Variants in BRCA1 observed in about 807,000 individuals in gnomAD.
BRCA1 encodes BRCA1 DNA repair associated, also known as breast cancer type 1 susceptibility protein.
In BRCA1, 140 loss-of-function variants were observed where a neutral mutation model predicts 173.7. The ratio of observed to expected loss-of-function variants is 0.81; its 90% CI spans 0.70 to 0.93. BRCA1 has a LOEUF of 0.93. Ranked by LOEUF, BRCA1 falls within the 40% of genes least tolerant of loss-of-function variation. The pLI, the probability that BRCA1 is intolerant of heterozygous loss-of-function variation, is 0.00. For synonymous variants in BRCA1, 662 were observed against 756.0 expected (o/e 0.88, Z 2.04); for missense variants, 1,983 against 2,172.5 (o/e 0.91, Z 1.73).
chr17:43,139,754 A>G (rs1203022335), intron 1 of BRCA1: 2 of 417,856 alleles, frequency 4.8e-6, no homozygotes, highest in African/African-American at 2.1e-5. Context: ...ATGAGTTCTC[A>G]TCATTTAGCT....
intron 10 of BRCA1, 181 bp from the exon 11 acceptor site, chr17:43,091,213 CA>C: frequency 1.2e-6 from 1 of 854,598 alleles, no homozygotes; most frequent in Non-Finnish European, 1.9e-6. Context: ...GTAAGTCCAC[CA>C]GTAATTAGGA....
rs8176103 is a variant in BRCA1 at position 43,115,033 on chromosome 17, G to A, written c.134+693C>T. 0.32 allele frequency among the ~76,000 whole-genome samples: 48,319 copies of A among 151,904 alleles called. 8,021 individuals are homozygous for A. The highest frequency in any genetic ancestry group is 0.51 in the South Asian group (2,433 of 4,806). On this transcript the variant is annotated intron_variant, in intron 3 of 22. Coordinates refer to ENST00000357654, the MANE Select transcript of BRCA1 (RefSeq NM_007294.4). ...CCTGTCTTCACAATGATTACAAAGCGGGCAAACACTGACCCTTAGAAGGGG... is the reference window on the plus strand; with the variant it reads ...CCTGTCTTCACAATGATTACAAAGCAGGCAAACACTGACCCTTAGAAGGGG...
intron 5 of BRCA1, 137 bp from the exon 6 acceptor site, chr17:43,104,398 T>A: frequency 9.8e-7 from 1 of 1,021,446 alleles, no homozygotes; most frequent in Non-Finnish European, 1.4e-6. Flanking sequence ...GTGATTTTTT[T>A]TAAAAATCAA....
At chr17:43,166,238 CTCTG>C (rs1288391985) in intron 1 of BRCA1, 2 of 151,806 alleles carry the variant, frequency 1.3e-5, no homozygotes, top group Admixed American at 6.6e-5. Flanking sequence ...CTCTTTTCCT[CTCTG>C]TCTCTTTCCT....
chr17:43,056,966 A>G (rs2153339852), intron 19 of BRCA1, 86 bp downstream of exon 19: 2 of 1,272,540 alleles, frequency 1.6e-6, no homozygotes, highest in South Asian at 1.2e-5. Context: ...AAGTCTTACA[A>G]AATGAAGCGG....
At chr17:43,155,470 G>A (rs1474944011) in intron 1 of BRCA1, among the ~76,000 whole-genome samples, 1 of 152,158 alleles carries the variant, frequency 6.6e-6, no homozygotes, top group Non-Finnish European at 1.5e-5. Flanking sequence ...GCCTCAAGCA[G>A]TCTTCCTGCT....
Position 43,093,313 on chromosome 17 carries a change from C to G in BRCA1, c.2218G>C (p.Val740Leu), listed in dbSNP as rs80357415. The change falls in exon 10 of 23, where the codon GTG (valine) becomes CTG (leucine). Residue 740 changes from valine (V) to leucine (L), a missense_variant. Coordinates refer to ENST00000357654, the MANE Select transcript of BRCA1 (RefSeq NM_007294.4). ...TTGGGGTCTTCAGCATTATTAGACACTTTAACTGTTTCTAGTTTCTCTTCT... is the reference window on the plus strand; with the variant it reads ...TTGGGGTCTTCAGCATTATTAGACAGTTTAACTGTTTCTAGTTTCTCTTCT... ...EKEEKLETVKVSNNAEDPKDL... is the reference protein window; with the variant it reads ...EKEEKLETVKLSNNAEDPKDL... The G allele has an allele frequency of 1.2e-6, 2 of 1,613,802 alleles. No homozygotes were observed. Among genetic ancestry groups the G allele is most frequent in the Non-Finnish European group, 1.7e-6 (2 of 1,179,936 alleles).
intron 1 of BRCA1, among the ~76,000 whole-genome samples, chr17:43,157,737 C>T (rs1444434828): frequency 6.6e-6 from 1 of 151,794 alleles, no homozygotes; most frequent in African/African-American, 2.4e-5. Context: ...TGGCTCACGC[C>T]TGTAATCCCA....
intron 5 of BRCA1, 95 bp from the exon 6 acceptor site, chr17:43,104,356 T>C (rs2054648057): frequency 2.2e-6 from 3 of 1,358,530 alleles, no homozygotes; most frequent in South Asian, 2.5e-5. Flanking sequence ...GTATGCTCTT[T>C]GTTGTGTTAA....
chr17:43,151,666 G>A (rs1283180832), intron 1 of BRCA1, among the ~76,000 whole-genome samples: 1 of 152,194 alleles, frequency 6.6e-6, no homozygotes, highest in Non-Finnish European at 1.5e-5. Flanking sequence ...AAGGTAGAAG[G>A]ATTGCTTGAG....
intron 1 of BRCA1, among the ~76,000 whole-genome samples, chr17:43,155,966 G>A (rs1401815930): frequency 1.3e-5 from 2 of 152,102 alleles, no homozygotes; most frequent in Non-Finnish European, 2.9e-5. Context: ...GGCCAGGTGC[G>A]GTGGCTCACA....
Position 43,086,485 on chromosome 17 carries a change from A to G in BRCA1, c.4186-3910T>C, listed in dbSNP as rs151196052. Among the ~76,000 whole-genome samples the G allele has an allele frequency of 6.1e-4, 93 of 152,302 alleles. 1 individual carries two copies. In the East Asian group the frequency reaches 7.3e-3, roughly 12 times the overall value. On this transcript the variant is annotated intron_variant, in intron 11 of 22. Transcript: ENST00000357654. ...AAAGGGAAAAAAAAATCCCACTTCA[A>G]TAGTTTTTCCTGCCTGTGCTACTTT...
chr17:43,049,258 C>T (rs2051103466), intron 20 of BRCA1, 64 bp from the exon 21 acceptor site: 4 of 1,434,632 alleles, frequency 2.8e-6, no homozygotes, highest in Non-Finnish European at 3.9e-6. Context: ...AGGCCCTCTA[C>T]CCTACACTCT....
In BRCA1 at chr17:43,105,117, T is replaced by C. The variant is rs799912; in HGVS notation, c.213-161A>G. The stretch of plus-strand genomic sequence containing the variant: ...ATTGACATCTGTATAAACCGTGTGA[T>C]GGCAGTGATTTAGTAACTTTTTGTC... On this transcript the variant is annotated intron_variant, in intron 4 of 22. Transcript: ENST00000357654. 0.49 allele frequency among the ~76,000 whole-genome samples: 74,859 copies of C among 152,120 alleles called. 21,819 individuals are homozygous for C. Among genetic ancestry groups the C allele is most frequent in the African/African-American group, 0.82 (34,234 of 41,510 alleles).
At position 43,094,157 on chromosome 17, in the gene BRCA1, G is replaced by T. The variant is rs879253999; in HGVS notation, c.1374C>A (p.Asp458Glu). The change falls in exon 10 of 23, where the codon GAC (aspartate) becomes GAA (glutamate). Residue 458 changes from aspartate to glutamate, a missense_variant. By Grantham distance (45) the Asp-to-Glu change is conservative (BLOSUM62 2). Coordinates refer to ENST00000357654, the MANE Select transcript of BRCA1 (RefSeq NM_007294.4). ...TCCGATAGGTTTTCCCAAATATTTT[G>T]TCTTCAATATTACTCTCTACTGATT... is the stretch of plus-strand genomic sequence containing the variant. The part of the protein sequence containing the change: ...HSKSVESNIE[D>E]KIFGKTYRKK... 6.2e-7 allele frequency: 1 copy of T among 1,613,946 alleles called. No homozygotes were observed. The highest frequency in any genetic ancestry group is 8.5e-7 in the Non-Finnish European group (1 of 1,179,978).
intron 2 of BRCA1, among the ~76,000 whole-genome samples, chr17:43,120,388 G>C (rs2055490581): frequency 1.3e-5 from 2 of 152,156 alleles, no homozygotes; most frequent in Non-Finnish European, 2.9e-5. Flanking sequence ...TGCAAATTGT[G>C]CTATACTGTA....
chr17:43,106,553 A>C lies in BRCA1; in HGVS notation c.135-20T>G, dbSNP rs80358025. 6.5e-7 allele frequency: 1 copy of C among 1,531,316 alleles called. No individual in the cohort carries two copies. The highest frequency in any genetic ancestry group is 9.0e-7 in the Non-Finnish European group (1 of 1,108,110). 94.9% of individuals were successfully genotyped at this position (1,531,316 alleles called of 1,614,324 possible). ...CAAAATCTATAAATTATAAAGAAAGAAAGAACAATTTAATTTACTTCCTTT... is the reference window on the plus strand; with the variant it reads ...CAAAATCTATAAATTATAAAGAAAGCAAGAACAATTTAATTTACTTCCTTT... On this transcript the variant is annotated intron_variant, in intron 3 of 22. Transcript: ENST00000357654.
At chr17:43,073,024 T>C (rs1035360028) in intron 14 of BRCA1, among the ~76,000 whole-genome samples, 7 of 151,952 alleles carry the variant, frequency 4.6e-5, no homozygotes, top group Admixed American at 6.6e-5. Context: ...TCTGTCCTTA[T>C]TTTATCTTTT....
chr17:43,152,051 T>C (rs1233355423), intron 1 of BRCA1, among the ~76,000 whole-genome samples: 3 of 152,188 alleles, frequency 2.0e-5, no homozygotes, highest in Admixed American at 2.0e-4. Flanking sequence ...TAGAAACTGG[T>C]GCTTAGAGGT....
Sources: allele counts gnomAD v4.1 joint callset (sites outside exome capture counted in the v4.1 genomes callset), GRCh38; gene constraint gnomAD v4.1.1; transcripts MANE v1.5; gene names NCBI Gene and HGNC (gene_info 2026-07-23, HGNC 2026-07-21).